The following GPRASP1 variants were observed in gnomAD, a reference collection of about 807,000 sequenced individuals.
GPRASP1 encodes the protein G protein-coupled receptor-associated sorting protein 1.
GPRASP1 carries 28 observed loss-of-function variants against 68.4 expected under a neutral mutation model. The observed-to-expected ratio is 0.41, with a 90% CI of 0.30 to 0.56. GPRASP1 has a LOEUF of 0.56. GPRASP1 is among the 20% of genes least tolerant of loss of function. GPRASP1 has a pLI of 0.29. For synonymous variants in GPRASP1, 304 were observed against 358.2 expected (o/e 0.85, Z 1.71); for missense variants, 913 against 1,031.5 (o/e 0.89, Z 1.57).
Position 102,657,378 on chromosome X carries a change from G to C in GPRASP1, c.3465G>C (p.Glu1155Asp). The change falls in exon 6 of 6, where the codon GAG becomes GAC. Residue 1155 changes from glutamate (E) to aspartate (D), a missense_variant. By Grantham distance (45) the Glu-to-Asp change is conservative. Transcript: ENST00000537097. ...GTGAGCTGAAAATTGGTTCTGAAGA[G>C]TTTGAAGAACTCCTTTTATTAATGG... ...IQCELKIGSE[E>D]FEELLLLMEK... The C allele has an allele frequency of 5.0e-6, 6 of 1,210,882 alleles. No individual in the cohort carries two copies. Among genetic ancestry groups the C allele is most frequent in the Non-Finnish European group, 5.6e-6 (5 of 894,764 alleles).
Position 102,657,967 on chromosome X carries a change from G to C in GPRASP1, c.4054G>C (p.Glu1352Gln), listed in dbSNP as rs762994865. The C allele has an allele frequency of 7.7e-6, 9 of 1,175,580 alleles. No individual in the cohort carries two copies. Among genetic ancestry groups the C allele is most frequent in the Non-Finnish European group, 1.0e-5 (9 of 864,199 alleles). The change falls in exon 6 of 6, where the codon GAA (glutamate) becomes CAA (glutamine). Residue 1352 changes from glutamate (E) to glutamine (Q), a missense_variant. By Grantham distance (29) the Glu-to-Gln change is conservative. Coordinates refer to ENST00000537097, the MANE Select transcript of GPRASP1 (RefSeq NM_001184727.2). Reference sequence around the variant, plus strand: ...GAATATTGGCAACAATATCAAAAAAGAAACAGTGTTCTCTGATGATGATTT... The same window carrying C: ...GAATATTGGCAACAATATCAAAAAACAAACAGTGTTCTCTGATGATGATTT... The part of the protein sequence containing the change: ...FENIGNNIKK[E>Q]TVFSDDDFNI...
chrX:102,653,978 T>C lies in GPRASP1; in HGVS notation c.65T>C (p.Val22Ala). Reference sequence around the variant, plus strand: ...CCTGAAAAGAAGCCTGGGGAAGAGGTTGTAGGTGGGGCTGAGATAGAGAAT... The same window carrying C: ...CCTGAAAAGAAGCCTGGGGAAGAGGCTGTAGGTGGGGCTGAGATAGAGAAT... ...VKPEKKPGEE[V>A]VGGAEIENDV... The change falls in exon 6 of 6, where the codon GTT becomes GCT. Residue 22 changes from valine to alanine, a missense_variant. Coordinates refer to ENST00000537097, the MANE Select transcript of GPRASP1 (RefSeq NM_001184727.2). 8.3e-7 allele frequency: 1 copy of C among 1,209,771 alleles called. No homozygotes were observed. Among genetic ancestry groups the C allele is most frequent in the Non-Finnish European group, 1.1e-6 (1 of 894,535 alleles).
In GPRASP1 at chrX:102,654,589, A is replaced by G. The variant is rs1161680121; in HGVS notation, c.676A>G (p.Met226Val). 8.3e-7 allele frequency: 1 copy of G among 1,210,655 alleles called. No homozygotes were observed. Among genetic ancestry groups the G allele is most frequent in the Non-Finnish European group, 1.1e-6 (1 of 894,302 alleles). Residue 226 changes from methionine (M) to valine (V), a missense_variant, in exon 6 of 6, where the codon ATG becomes GTG. Physicochemically the swap from Met to Val is conservative, Grantham distance 21 (BLOSUM62 1). Coordinates refer to ENST00000537097, the MANE Select transcript of GPRASP1 (RefSeq NM_001184727.2). ...TAGGGTAAAAGACAGTAACAGATCCATGCACATGGCCAATCAAGAGGCTAA... is the reference window on the plus strand; with the variant it reads ...TAGGGTAAAAGACAGTAACAGATCCGTGCACATGGCCAATCAAGAGGCTAA... ...GNRVKDSNRS[M>V]HMANQEANTM...
At position 102,654,960 on chromosome X, in the gene GPRASP1, T is replaced by C; in HGVS notation, c.1047T>C (p.Asp349=). 1 of 1,210,358 alleles carries C rather than the reference T, an allele frequency of 8.3e-7. No individual in the cohort carries two copies. Among genetic ancestry groups the C allele is most frequent in the South Asian group, 1.8e-5 (1 of 56,945 alleles). Residue 349 remains aspartate (D), a synonymous_variant, in exon 6 of 6, where the codon GAT becomes GAC. Coordinates refer to ENST00000537097, the MANE Select transcript of GPRASP1 (RefSeq NM_001184727.2). ...ACIDFMPGSI[D]VIKKESCFWP... is the part of the protein sequence containing the mutation. ...TTGATTTCATGCCTGGGTCTATAGA[T>C]GTAATTAAAAAAGAGTCCTGTTTCT...
chrX:102,656,252 G>A lies in GPRASP1; in HGVS notation c.2339G>A (p.Gly780Asp). Residue 780 changes from glycine to aspartate, a missense_variant, in exon 6 of 6, where the codon GGT (glycine) becomes GAT (aspartate). Gly to Asp is a moderately conservative substitution (Grantham distance 94). Coordinates refer to ENST00000537097, the MANE Select transcript of GPRASP1 (RefSeq NM_001184727.2). Reference sequence around the variant, plus strand: ...GAAGCTGAGGAGGGGGACATTATTGGTTCTTGGTTCTGGGCTGGAGAAGAG... The same window carrying A: ...GAAGCTGAGGAGGGGGACATTATTGATTCTTGGTTCTGGGCTGGAGAAGAG... ...RPEAEEGDII[G>D]SWFWAGEEDR... The A allele has an allele frequency of 8.3e-7, 1 of 1,210,863 alleles. No individual in the cohort carries two copies. Among genetic ancestry groups the A allele is most frequent in the Non-Finnish European group, 1.1e-6 (1 of 895,178 alleles).
rs1280628768 is a variant in GPRASP1 at position 102,657,060 on chromosome X, T to C, written c.3147T>C (p.Thr1049=). ...SRRPQSWEEV[T]VQFKPGPWGR... is the part of the protein sequence containing the mutation. ...GGCCTCAGAGTTGGGAGGAGGTCAC[T>C]GTTCAGTTCAAGCCTGGTCCATGGG... Residue 1049 remains threonine, a synonymous_variant, in exon 6 of 6, where the codon ACT becomes ACC. Transcript: ENST00000537097. 3 of 1,209,480 alleles carry C rather than the reference T, an allele frequency of 2.5e-6. No individual in the cohort carries two copies. The highest frequency in any genetic ancestry group is 3.0e-5 in the East Asian group (1 of 33,749).
In GPRASP1 at chrX:102,655,987, A is replaced by G; in HGVS notation, c.2074A>G (p.Ser692Gly). The G allele has an allele frequency of 8.3e-7, 1 of 1,211,571 alleles. No individual in the cohort carries two copies. The highest frequency in any genetic ancestry group is 1.1e-6 in the Non-Finnish European group (1 of 895,371). ...EPCMYPAGGG[S>G]WKSRPEEEED... ...CTGTATGTATCCTGCCGGTGGAGGA[A>G]GTTGGAAGTCTAGGCCAGAGGAGGA... is the stretch of plus-strand genomic sequence containing the variant. Residue 692 changes from serine (S) to glycine (G), a missense_variant, in exon 6 of 6, where the codon AGT becomes GGT. By Grantham distance (56) the Ser-to-Gly change is moderately conservative (BLOSUM62 0). Transcript: ENST00000537097.
Position 102,657,919 on chromosome X carries a change from C to G in GPRASP1, c.4006C>G (p.Gln1336Glu), listed in dbSNP as rs1272562042. Residue 1336 changes from glutamine (Q) to glutamate (E), a missense_variant, in exon 6 of 6, where the codon CAA becomes GAA. Physicochemically the swap from Gln to Glu is conservative, Grantham distance 29. Transcript: ENST00000537097. ...FNREETNDNI[Q>E]IVLAIFENIG... ...CAGGGAAGAGACAAATGACAATATTCAAATTGTTCTTGCAATATTTGAGAA... is the reference window on the plus strand; with the variant it reads ...CAGGGAAGAGACAAATGACAATATTGAAATTGTTCTTGCAATATTTGAGAA... The G allele has an allele frequency of 8.4e-7, 1 of 1,194,413 alleles. No individual in the cohort carries two copies. Among genetic ancestry groups the G allele is most frequent in the African/African-American group, 1.7e-5 (1 of 57,509 alleles).
chrX:102,657,358 C>G lies in GPRASP1; in HGVS notation c.3445C>G (p.Leu1149Val). The G allele has an allele frequency of 8.3e-7, 1 of 1,210,814 alleles. No individual in the cohort carries two copies. Among genetic ancestry groups the G allele is most frequent in the Non-Finnish European group, 1.1e-6 (1 of 894,836 alleles). ...SSSCNCIQCE[L>V]KIGSEEFEEL... ...ATCCTGTAACTGCATACAATGTGAGCTGAAAATTGGTTCTGAAGAGTTTGA... is the reference window on the plus strand; with the variant it reads ...ATCCTGTAACTGCATACAATGTGAGGTGAAAATTGGTTCTGAAGAGTTTGA... The change falls in exon 6 of 6, where the codon CTG (leucine) becomes GTG (valine). Residue 1149 changes from leucine to valine, a missense_variant. Physicochemically the swap from Leu to Val is conservative, Grantham distance 32 (BLOSUM62 1). Transcript: ENST00000537097.
chrX:102,655,899 CA>C lies in GPRASP1; in HGVS notation c.1987del (p.Arg663AspfsTer58). ...SMKHGTGVRCRFMAGAEETNN... is the reference protein window; with the variant it reads ...SMKHGTGVRCXFMAGAEETNN... The stretch of plus-strand genomic sequence containing the variant: ...TGAAGCATGGGACTGGTGTCAGATG[CA>C]GATTTATGGCAGGGGCTGAGGAGAC... On this transcript the variant is annotated frameshift_variant, in exon 6 of 6. Coordinates refer to ENST00000537097, the MANE Select transcript of GPRASP1 (RefSeq NM_001184727.2). LOFTEE classifies it high-confidence loss of function. 8.3e-7 allele frequency: 1 copy of C among 1,211,123 alleles called. No individual in the cohort carries two copies. The highest frequency in any genetic ancestry group is 1.1e-6 in the Non-Finnish European group (1 of 895,227).
chrX:102,654,765 G>T lies in GPRASP1; in HGVS notation c.852G>T (p.Arg284Ser), dbSNP rs1377871867. Residue 284 changes from arginine (R) to serine (S), a missense_variant, in exon 6 of 6, where the codon AGG becomes AGT. Coordinates refer to ENST00000537097, the MANE Select transcript of GPRASP1 (RefSeq NM_001184727.2). ...GPREDPNSRS[R>S]FRSKKEVYVE... ...GGGAAGATCCCAATAGCAGGTCCAG[G>T]TTTAGGTCTAAGAAAGAAGTCTATG... is the stretch of plus-strand genomic sequence containing the variant. 2 of 1,208,568 alleles carry T rather than the reference G, an allele frequency of 1.7e-6. No individual in the cohort carries two copies. The highest frequency in any genetic ancestry group is 3.5e-5 in the African/African-American group (2 of 57,027).
At chrX:102,651,923 C>T (rs2081356074) in intron 2 of GPRASP1, among the ~76,000 whole-genome samples, 190 bp downstream of exon 2, 1 of 112,469 alleles carries the variant, frequency 8.9e-6, no homozygotes, top group African/African-American at 3.2e-5. Flanking sequence ...CGAGAGACGG[C>T]TGTGGGGGAG....
rs756658343 is a variant in GPRASP1 at position 102,654,919 on chromosome X, A to T, written c.1006A>T (p.Lys336Ter). 2 of 1,212,220 alleles carry T rather than the reference A, an allele frequency of 1.6e-6. No individual in the cohort carries two copies. Among genetic ancestry groups the T allele is most frequent in the Non-Finnish European group, 2.2e-6 (2 of 895,550 alleles). ...CAATAACAGGGCCAGGCACAGGGCC[A>T]AGCGAGAAGCTTGCATTGATTTCAT... ...EANNRARHRAKREACIDFMPG... is the reference protein window; with the variant it reads ...EANNRARHRA Residue 336 changes from lysine to a stop codon, truncating the protein, a stop_gained, in exon 6 of 6, where the codon AAG becomes TAG. Coordinates refer to ENST00000537097, the MANE Select transcript of GPRASP1 (RefSeq NM_001184727.2). LOFTEE classifies it high-confidence loss of function.
At position 102,654,465 on chromosome X, in the gene GPRASP1, A is replaced by C. The variant is rs188898027; in HGVS notation, c.552A>C (p.Gln184His). The change falls in exon 6 of 6, where the codon CAA (glutamine) becomes CAC (histidine). Residue 184 changes from glutamine (Q) to histidine (H), a missense_variant. Coordinates refer to ENST00000537097, the MANE Select transcript of GPRASP1 (RefSeq NM_001184727.2). The part of the protein sequence containing the change: ...SWCCPRPTSK[Q>H]EASPNSDFKW... Reference sequence around the variant, plus strand: ...GCTGTCCTAGGCCTACATCCAAACAAGAAGCCTCTCCTAATTCTGATTTCA... The same window carrying C: ...GCTGTCCTAGGCCTACATCCAAACACGAAGCCTCTCCTAATTCTGATTTCA... The C allele has an allele frequency of 4.1e-4, 491 of 1,210,024 alleles. 1 individual carries two copies. Among genetic ancestry groups the C allele is most frequent in the Non-Finnish European group, 3.6e-5 (32 of 895,086 alleles).
Position 102,656,855 on chromosome X carries a change from A to G in GPRASP1, c.2942A>G (p.Asn981Ser). 8.3e-7 allele frequency: 1 copy of G among 1,210,434 alleles called. No homozygotes were observed. Among genetic ancestry groups the G allele is most frequent in the Non-Finnish European group, 1.1e-6 (1 of 894,778 alleles). The change falls in exon 6 of 6, where the codon AAC (asparagine) becomes AGC (serine). Residue 981 changes from asparagine (N) to serine (S), a missense_variant. By Grantham distance (46) the Asn-to-Ser change is conservative. Coordinates refer to ENST00000537097, the MANE Select transcript of GPRASP1 (RefSeq NM_001184727.2). The stretch of plus-strand genomic sequence containing the variant: ...TTTGAGGCTGAAGATGAGGTAGATA[A>G]CAGGACTGACAATGGAAGCAACTGT... ...SWFEAEDEVDNRTDNGSNCGS... is the reference protein window; with the variant it reads ...SWFEAEDEVDSRTDNGSNCGS...
Position 102,658,107 on chromosome X carries a change from G to T in GPRASP1, c.*6G>T. The T allele has an allele frequency of 1.1e-6, 1 of 885,220 alleles. No individual in the cohort carries two copies. Among genetic ancestry groups the T allele is most frequent in the Non-Finnish European group, 1.6e-6 (1 of 617,759 alleles). The allele number at this position is 885,220 out of a possible 1,213,427, so 73.0% of individuals were successfully genotyped here. A position where few individuals can be genotyped will look rare whatever the true frequency, so the allele number is the denominator to read the frequency against. On this transcript the variant is annotated 3_prime_UTR_variant, in exon 6 of 6. Transcript: ENST00000537097. ...AAGGGGACCAAGAAAATTAGTAATG[G>T]TTAATTGCTGGCCTCAGATTGTCCT... is the stretch of plus-strand genomic sequence containing the variant.
rs1416602856 is a variant in GPRASP1, at chrX:102,658,047, A to G, written c.4134A>G (p.Glu1378=). The G allele has an allele frequency of 8.4e-7, 1 of 1,192,093 alleles. No homozygotes were observed. Among genetic ancestry groups the G allele is most frequent in the Admixed American group, 2.2e-5 (1 of 44,665 alleles). ...ACAAAGTTGAGAAATTTGCTAAGGAACTGCAAGGCAAAACAGACAATCAAA... is the reference window on the plus strand; with the variant it reads ...ACAAAGTTGAGAAATTTGCTAAGGAGCTGCAAGGCAAAACAGACAATCAAA... ...AFHKVEKFAK[E]LQGKTDNQND... Residue 1378 remains glutamate, a synonymous_variant, in exon 6 of 6, where the codon GAA becomes GAG. Coordinates refer to ENST00000537097, the MANE Select transcript of GPRASP1 (RefSeq NM_001184727.2).
chrX:102,656,876 A>C lies in GPRASP1; in HGVS notation c.2963A>C (p.Asn988Thr). ...EVDNRTDNGSNCGSRTLADED... is the reference protein window; with the variant it reads ...EVDNRTDNGSTCGSRTLADED... ...GATAACAGGACTGACAATGGAAGCA[A>C]CTGTGGGTCCAGGACATTAGCTGAT... Residue 988 changes from asparagine to threonine, a missense_variant, in exon 6 of 6, where the codon AAC becomes ACC. By Grantham distance (65) the Asn-to-Thr change is moderately conservative. Transcript: ENST00000537097. 1 of 1,209,968 alleles carries C rather than the reference A, an allele frequency of 8.3e-7. No homozygotes were observed. The highest frequency in any genetic ancestry group is 1.1e-6 in the Non-Finnish European group (1 of 894,503).
In GPRASP1 at chrX:102,657,813, A is replaced by G. The variant is rs757555825; in HGVS notation, c.3900A>G (p.Leu1300=). ...CAAGGTTTCATGTTTTGAAAATGCTACTGAATTTGTCTGAAAATCTTTTCA... is the reference window on the plus strand; with the variant it reads ...CAAGGTTTCATGTTTTGAAAATGCTGCTGAATTTGTCTGAAAATCTTTTCA... ...AKTRFHVLKM[L]LNLSENLFMT... The change falls in exon 6 of 6, where the codon CTA becomes CTG. Residue 1300 remains leucine (L), a synonymous_variant. Transcript: ENST00000537097. 1 of 1,207,896 alleles carries G rather than the reference A, an allele frequency of 8.3e-7. No homozygotes were observed.
Sources: allele counts gnomAD v4.1 joint callset (sites outside exome capture counted in the v4.1 genomes callset), GRCh38; gene constraint gnomAD v4.1.1; transcripts MANE v1.5; gene names NCBI Gene and HGNC (gene_info 2026-07-23, HGNC 2026-07-21).